Variants in NMRAL1 observed in about 807,000 individuals in gnomAD.
The protein encoded by NMRAL1 is NmrA like redox sensor 1.
Under a neutral mutation model 27.5 loss-of-function variants are expected in NMRAL1, and 32 were observed. That is an observed-to-expected ratio of 1.16 (90% CI 0.88 to 1.56). NMRAL1 has a LOEUF of 1.56. NMRAL1 is among the 40% of genes most tolerant of loss of function. The pLI, the probability that NMRAL1 is intolerant of heterozygous loss-of-function variation, is 0.00. For synonymous variants in NMRAL1, 166 were observed against 166.8 expected (o/e 1.00, Z 0.04); for missense variants, 420 against 392.0 (o/e 1.07, Z -0.60).
intron 2 of NMRAL1, among the ~76,000 whole-genome samples, chr16:4,470,744 G>A (rs991436296): frequency 5.3e-5 from 8 of 151,812 alleles, no homozygotes; most frequent in Non-Finnish European, 1.2e-4. Flanking sequence ...TCAGGAGATC[G>A]AGACCATCCT....
At chr16:4,464,112 G>A in intron 4 of NMRAL1, 1 of 524,212 alleles carries the variant, frequency 1.9e-6, no homozygotes, top group South Asian at 2.8e-5. Context: ...TGCATTCCTA[G>A]AATGGGGCTA....
In NMRAL1 at chr16:4,466,183, TCTGGG is replaced by T; in HGVS notation, c.494_498del (p.Pro165GlnfsTer16). The T allele has an allele frequency of 6.2e-7, 1 of 1,614,166 alleles. No individual in the cohort carries two copies. The highest frequency in any genetic ancestry group is 8.5e-7 in the Non-Finnish European group (1 of 1,180,034). ...AAGTAGCTCTTTCCGTCTGGGGCTT[TCTGGG>T]GCAAGAAGTGGGAGAGGAGGTTCTC... On this transcript the variant is annotated frameshift_variant, in exon 4 of 6. Transcript: ENST00000283429. LOFTEE classifies it high-confidence loss of function.
At chr16:4,474,008 C>A (rs1055464819) in intron 2 of NMRAL1, 85 bp downstream of exon 2, 3 of 1,066,208 alleles carry the variant, frequency 2.8e-6, no homozygotes, top group Non-Finnish European at 2.8e-6. Context: ...AGTGACCTTA[C>A]CCCTCCCTGC....
intron 3 of NMRAL1, chr16:4,467,155 G>C (rs1278453188): frequency 6.6e-6 from 1 of 152,200 alleles, no homozygotes; most frequent in Non-Finnish European, 1.5e-5. Context: ...GGAGATTGGA[G>C]CTTTGTGGCC....
chr16:4,475,765 C>G (rs1026167508), upstream of NMRAL1, among the ~76,000 whole-genome samples: 18 of 151,812 alleles, frequency 1.2e-4, no homozygotes, highest in Non-Finnish European at 1.9e-4. Context: ...TGGTGAAACC[C>G]CCGTCTCTAC....
Position 4,463,866 on chromosome 16 carries a change from G to A in NMRAL1, c.530-16C>T, listed in dbSNP as rs199678449. 9 of 1,608,892 alleles carry A rather than the reference G, an allele frequency of 5.6e-6. No homozygotes were observed. Among genetic ancestry groups the A allele is most frequent in the East Asian group, 4.5e-5 (2 of 44,760 alleles). On this transcript the variant is annotated splice_polypyrimidine_tract_variant and intron_variant, in intron 4 of 5. Coordinates refer to ENST00000283429, the MANE Select transcript of NMRAL1 (RefSeq NM_020677.6). ...GTGGGCAAGCCTGTGGGGCAGAGAC[G>A]TGAGCTGGTATATGTCCCGAGGGCA...
At chr16:4,469,703 C>A (rs777001280) in intron 2 of NMRAL1, 22 of 707,760 alleles carry the variant, frequency 3.1e-5, no homozygotes, top group South Asian at 1.2e-4. Flanking sequence ...CCGCCTCTAT[C>A]AAAAAATACA....
chr16:4,475,242 C>T (rs573003144), upstream of NMRAL1, among the ~76,000 whole-genome samples: 2 of 152,110 alleles, frequency 1.3e-5, no homozygotes, highest in South Asian at 2.1e-4. Flanking sequence ...TGGGAGCCAC[C>T]GTGCCCAGCC....
At chr16:4,463,895 A>G (rs1261028214) in intron 4 of NMRAL1, 45 bp from the exon 5 acceptor site, 6 of 1,555,276 alleles carry the variant, frequency 3.9e-6, no homozygotes, top group African/African-American at 2.7e-5. Context: ...GAGGGCAGAC[A>G]GGGGCAGGGA....
At position 4,466,194 on chromosome 16, in the gene NMRAL1, A is replaced by C; in HGVS notation, c.488T>G (p.Phe163Cys). The change falls in exon 4 of 6, where the codon TTC (phenylalanine) becomes TGC (cysteine). Residue 163 changes from phenylalanine (F) to cysteine (C), a missense_variant. Coordinates refer to ENST00000283429, the MANE Select transcript of NMRAL1 (RefSeq NM_020677.6). ...PCYFENLLSH[F>C]LPQKAPDGKS... is the part of the protein sequence containing the mutation. ...TCCGTCTGGGGCTTTCTGGGGCAAGAAGTGGGAGAGGAGGTTCTCAAAATA... is the reference window on the plus strand; with the variant it reads ...TCCGTCTGGGGCTTTCTGGGGCAAGCAGTGGGAGAGGAGGTTCTCAAAATA... The C allele has an allele frequency of 6.2e-7, 1 of 1,614,162 alleles. No individual in the cohort carries two copies. The highest frequency in any genetic ancestry group is 1.6e-4 in the Middle Eastern group (1 of 6,062).
rs146163636 is a variant in NMRAL1, at chr16:4,469,267, T to C, written c.239A>G (p.Asn80Ser). 1.1e-5 allele frequency: 17 copies of C among 1,614,002 alleles called. No individual in the cohort carries two copies. Among genetic ancestry groups the C allele is most frequent in the African/African-American group, 4.0e-5 (3 of 74,922 alleles). Residue 80 changes from asparagine (N) to serine (S), a missense_variant, in exon 3 of 6, where the codon AAT (asparagine) becomes AGT (serine). Asn to Ser is a conservative substitution (Grantham distance 46). Transcript: ENST00000283429. ...CTCCTGGCTGCAGCTCTCCCAGTAA[T>C]TGGTCACGATGAAGGTGGCGTAAGC... The part of the protein sequence containing the change: ...NGAYATFIVT[N>S]YWESCSQEQE...
At chr16:4,470,816 G>A (rs563985203) in intron 2 of NMRAL1, among the ~76,000 whole-genome samples, 4 of 151,044 alleles carry the variant, frequency 2.6e-5, no homozygotes, top group Non-Finnish European at 5.9e-5. Flanking sequence ...GCGTGGTGGC[G>A]GGCGCCTGTA....
At chr16:4,462,715 G>A (rs1475198658) in intron 5 of NMRAL1, among the ~76,000 whole-genome samples, 1 of 151,970 alleles carries the variant, frequency 6.6e-6, no homozygotes, top group Non-Finnish European at 1.5e-5. Context: ...TAGTAGAGAC[G>A]GGGTTTCACC....
At chr16:4,474,201 G>C in intron 1 of NMRAL1, 35 bp from the exon 2 acceptor site, 1 of 1,528,268 alleles carries the variant, frequency 6.5e-7, no homozygotes, top group Non-Finnish European at 9.0e-7. Context: ...TTGGGGGTGG[G>C]GCCGGGGTTC....
At chr16:4,469,008 G>A (rs541516080) in intron 3 of NMRAL1, among the ~76,000 whole-genome samples, 23 of 150,248 alleles carry the variant, frequency 1.5e-4, no homozygotes, top group African/African-American at 5.6e-4. Context: ...GGCCAGGCGT[G>A]GTTGCTCACG....
intron 3 of NMRAL1, among the ~76,000 whole-genome samples, chr16:4,467,431 G>T (rs1197336462): frequency 1.3e-5 from 2 of 149,902 alleles, no homozygotes; most frequent in Admixed American, 6.7e-5. Flanking sequence ...ACAGGGTTTT[G>T]CTGTGTTGGC....
upstream of NMRAL1, chr16:4,474,715 A>C (rs1264616318): frequency 6.5e-6 from 1 of 153,056 alleles, no homozygotes; most frequent in African/African-American, 2.4e-5. Context: ...AGGCACGTGC[A>C]CAGTGAGTTT....
At chr16:4,464,580 A>C (rs1269629912) in intron 4 of NMRAL1, among the ~76,000 whole-genome samples, 1 of 150,634 alleles carries the variant, frequency 6.6e-6, no homozygotes, top group Non-Finnish European at 1.5e-5. Flanking sequence ...CAGAGCGCAC[A>C]GACCGGAGCA....
chr16:4,463,404 T>G, intron 5 of NMRAL1: 1 of 525,256 alleles, frequency 1.9e-6, no homozygotes, highest in Non-Finnish European at 3.3e-6. Flanking sequence ...GGGCCTGCAT[T>G]TTCACCCCTC....
Sources: allele counts gnomAD v4.1 joint callset (sites outside exome capture counted in the v4.1 genomes callset), GRCh38; gene constraint gnomAD v4.1.1; transcripts MANE v1.5; gene names NCBI Gene and HGNC (gene_info 2026-07-23, HGNC 2026-07-21).